FILIP1L: variants seen among roughly 807,000 people sequenced by gnomAD.
The protein encoded by FILIP1L is filamin A-interacting protein 1-like.
In FILIP1L, 55 loss-of-function variants were observed where a neutral mutation model predicts 96.6. That is an observed-to-expected ratio of 0.57 (90% CI 0.46 to 0.71). The LOEUF is 0.71. Among genes scored for constraint, FILIP1L ranks in the 30% least tolerant of loss-of-function variants. The pLI is 0.00. For missense variants in FILIP1L, 1,304 were observed against 1,321.2 expected (o/e 0.99, Z 0.20); for synonymous variants, 467 against 473.9 (o/e 0.99, Z 0.19).
intron 1 of FILIP1L, among the ~76,000 whole-genome samples, chr3:99,950,688 C>T (rs1708150088): frequency 6.6e-6 from 1 of 152,148 alleles, no homozygotes; most frequent in Non-Finnish European, 1.5e-5. Context: ...TGGAGGCAGC[C>T]CACGATTCTC....
chr3:99,957,559 T>A (rs1307473876), intron 1 of FILIP1L, among the ~76,000 whole-genome samples: 1 of 152,086 alleles, frequency 6.6e-6, no homozygotes, highest in Non-Finnish European at 1.5e-5. Flanking sequence ...ATCACTTCTT[T>A]AATACCGTAA....
At chr3:100,086,879 C>T (rs911299085) in intron 1 of FILIP1L, among the ~76,000 whole-genome samples, 24 of 152,298 alleles carry the variant, frequency 1.6e-4, no homozygotes, top group Non-Finnish European at 2.5e-4. Context: ...TCTCTATTCT[C>T]AACCCCTAGT....
intron 1 of FILIP1L, among the ~76,000 whole-genome samples, chr3:100,102,082 C>A (rs550460781): frequency 6.6e-6 from 1 of 152,098 alleles, no homozygotes; most frequent in Non-Finnish European, 1.5e-5. Context: ...AATAAACATA[C>A]GTGTGCATGT....
chr3:99,932,338 C>G (rs1389489161), intron 1 of FILIP1L, among the ~76,000 whole-genome samples: 1 of 151,990 alleles, frequency 6.6e-6, no homozygotes, highest in African/African-American at 2.4e-5. Context: ...TTGAATGTAT[C>G]TTTCTAAAAC....
At position 99,879,058 on chromosome 3, in the gene FILIP1L, T is replaced by C. The variant is rs139612114; in HGVS notation, c.606-27988A>G. 7.3e-3 allele frequency among the ~76,000 whole-genome samples: 1,106 copies of C among 152,368 alleles called. 19 individuals carry two copies. The highest frequency in any genetic ancestry group is 0.025 in the African/African-American group (1,019 of 41,590). On this transcript the variant is annotated intron_variant, in intron 4 of 5. Coordinates refer to ENST00000477258, the MANE Select transcript of FILIP1L (RefSeq NM_001387850.1). The stretch of plus-strand genomic sequence containing the variant: ...TTCTGTCCAATTACTTTTGTGACTT[T>C]CTTTTCATTTTTTAATCAGGAATTT...
intron 1 of FILIP1L, among the ~76,000 whole-genome samples, chr3:99,982,089 T>C (rs1709141269): frequency 6.6e-6 from 1 of 152,206 alleles, no homozygotes. Flanking sequence ...TTTGTGACGG[T>C]TGTTAGTCTT....
chr3:100,072,587 C>T (rs1037836990), intron 1 of FILIP1L, among the ~76,000 whole-genome samples: 8 of 152,168 alleles, frequency 5.3e-5, no homozygotes, highest in South Asian at 2.1e-4. Flanking sequence ...AACTGTCAAC[C>T]GACCATCGCA....
At chr3:100,058,591 G>A (rs2065505508) in intron 1 of FILIP1L, among the ~76,000 whole-genome samples, 1 of 152,112 alleles carries the variant, frequency 6.6e-6, no homozygotes, top group African/African-American at 2.4e-5. Context: ...AATCCCCTTG[G>A]TGGACAAAGA....
At chr3:99,966,205 T>C (rs1213038298) in intron 1 of FILIP1L, among the ~76,000 whole-genome samples, 1 of 152,134 alleles carries the variant, frequency 6.6e-6, no homozygotes, top group Non-Finnish European at 1.5e-5. Flanking sequence ...TGGGAGGAGT[T>C]TGGGAAGGAA....
intron 1 of FILIP1L, among the ~76,000 whole-genome samples, chr3:100,099,272 A>G (rs1202594174): frequency 1.3e-5 from 2 of 152,240 alleles, no homozygotes; most frequent in Non-Finnish European, 2.9e-5. Context: ...ATAACATTAC[A>G]TAGTTCCTTT....
chr3:99,850,355 A>T lies in FILIP1L; in HGVS notation c.1321T>A (p.Cys441Ser). The change falls in exon 5 of 6, where the codon TGC (cysteine) becomes AGC (serine). Residue 441 changes from cysteine (C) to serine (S), a missense_variant. By Grantham distance (112) the Cys-to-Ser change is moderately radical. Transcript: ENST00000477258. ...EDAFNKSKQE[C>S]YSLKCNLEKE... The stretch of plus-strand genomic sequence containing the variant: ...TCTAAATTGCATTTCAGAGAGTAGC[A>T]TTCTTGTTTGCTTTTGTTGAAAGCG... The T allele has an allele frequency of 6.2e-7, 1 of 1,612,976 alleles. No homozygotes were observed. The highest frequency in any genetic ancestry group is 8.5e-7 in the Non-Finnish European group (1 of 1,179,818).
chr3:100,056,326 C>T (rs1011005333), intron 1 of FILIP1L, among the ~76,000 whole-genome samples: 2 of 152,200 alleles, frequency 1.3e-5, no homozygotes, highest in African/African-American at 4.8e-5. Context: ...AATATTGTTA[C>T]ATTTTCCAGA....
chr3:99,835,435 A>G (rs1942856824), intron 5 of FILIP1L, among the ~76,000 whole-genome samples: 1 of 152,232 alleles, frequency 6.6e-6, no homozygotes, highest in Admixed American at 6.5e-5. Flanking sequence ...AAAAGGACAA[A>G]TGCAGGCCAG....
At chr3:99,838,397 G>T (rs1341724492) in intron 5 of FILIP1L, among the ~76,000 whole-genome samples, 3 of 152,174 alleles carry the variant, frequency 2.0e-5, no homozygotes, top group African/African-American at 7.2e-5. Flanking sequence ...CAGAAGAGGC[G>T]AGCATTGATA....
intron 4 of FILIP1L, among the ~76,000 whole-genome samples, chr3:99,916,190 CAG>C (rs1429168508): frequency 1.3e-5 from 2 of 152,148 alleles, no homozygotes; most frequent in Non-Finnish European, 2.9e-5. Context: ...CAGAATGGAA[CAG>C]AAAGCTGAAG....
rs1193718278 is a variant in FILIP1L, at chr3:99,830,431, C to T, written c.3556G>A (p.Val1186Met). ...RTVTSNTFLH[V>M]GGRR ...GGTATGAGTTACCTTCTCCCTCCCACGTGGAGGAAGGTGTTGGAGGTGACA... is the reference window on the plus strand; with the variant it reads ...GGTATGAGTTACCTTCTCCCTCCCATGTGGAGGAAGGTGTTGGAGGTGACA... Residue 1186 changes from valine to methionine, a missense_variant, in exon 6 of 6, where the codon GTG becomes ATG. By Grantham distance (21) the Val-to-Met change is conservative. Coordinates refer to ENST00000477258, the MANE Select transcript of FILIP1L (RefSeq NM_001387850.1). 6.7e-6 allele frequency: 3 copies of T among 450,018 alleles called. No individual in the cohort carries two copies. The highest frequency in any genetic ancestry group is 1.3e-5 in the Non-Finnish European group (3 of 222,662). 27.9% of individuals were successfully genotyped at this position (450,018 alleles called of 1,614,324 possible).
At chr3:99,893,162 C>CTTTT (rs1200176411) in intron 4 of FILIP1L, among the ~76,000 whole-genome samples, 5 of 107,620 alleles carry the variant, frequency 4.6e-5, no homozygotes, top group Non-Finnish European at 5.8e-5. Context: ...GGCATCTAGA[C>CTTTT]TTTTTTTTTT....
intron 4 of FILIP1L, chr3:99,874,476 G>A (rs1162275543): frequency 6.6e-6 from 1 of 152,168 alleles, no homozygotes; most frequent in Non-Finnish European, 1.5e-5. Flanking sequence ...TTCTCATTAT[G>A]GTGGGCTTCC....
chr3:100,086,188 T>G (rs957769400), intron 1 of FILIP1L, among the ~76,000 whole-genome samples: 3 of 152,234 alleles, frequency 2.0e-5, no homozygotes, highest in African/African-American at 7.2e-5. Flanking sequence ...GTAGAGAGTC[T>G]TTGACCTGCC....
Sources: gnomAD v4.1 joint callset for allele counts (sites outside exome capture counted in the v4.1 genomes callset) on GRCh38, gnomAD v4.1.1 for gene constraint, MANE v1.5 for transcripts, NCBI Gene and HGNC (gene_info 2026-07-23, HGNC 2026-07-21) for gene names.